Variants in SLC26A5 observed in about 807,000 individuals in gnomAD.
The protein encoded by SLC26A5 is solute carrier family 26 member 5.
In SLC26A5, 51 loss-of-function variants were observed where a neutral mutation model predicts 81.0. The observed-to-expected ratio is 0.63, with a 90% CI of 0.50 to 0.80. The LOEUF is 0.80. SLC26A5 is among the 30% of genes least tolerant of loss of function. SLC26A5 has a pLI of 0.00. For missense variants in SLC26A5, 771 were observed against 905.8 expected (o/e 0.85, Z 1.91); for synonymous variants, 325 against 332.8 (o/e 0.98, Z 0.25).
chr7:103,398,926 AT>A (rs1243496752), intron 8 of SLC26A5, among the ~76,000 whole-genome samples: 3 of 152,002 alleles, frequency 2.0e-5, no homozygotes, highest in African/African-American at 7.3e-5. Flanking sequence ...CCTTAATTGC[AT>A]TTTTTGTGCA....
chr7:103,373,574 T>G (rs951470122), downstream of SLC26A5, among the ~76,000 whole-genome samples: 1 of 152,212 alleles, frequency 6.6e-6, no homozygotes, highest in Non-Finnish European at 1.5e-5. Context: ...TTAAAATAGA[T>G]GTAAGGGACT....
At chr7:103,354,392 G>T (rs1389957377) in intron 19 of SLC26A5, among the ~76,000 whole-genome samples, 1 of 147,082 alleles carries the variant, frequency 6.8e-6, no homozygotes. Flanking sequence ...TTTTGAAACG[G>T]AGTGTTGCTC....
chr7:103,404,253 T>A (rs1279408944), intron 8 of SLC26A5, among the ~76,000 whole-genome samples: 1 of 152,182 alleles, frequency 6.6e-6, no homozygotes, highest in Non-Finnish European at 1.5e-5. Flanking sequence ...ATTTTGCCCA[T>A]TAGTTGATGC....
intron 19 of SLC26A5, among the ~76,000 whole-genome samples, chr7:103,356,145 C>G (rs1820020163): frequency 6.6e-6 from 1 of 151,970 alleles, no homozygotes; most frequent in Non-Finnish European, 1.5e-5. Flanking sequence ...TGCAAAGAAA[C>G]ATATCCTGAT....
intron 7 of SLC26A5, among the ~76,000 whole-genome samples, chr7:103,409,380 A>G (rs1824298616): frequency 6.6e-6 from 1 of 152,258 alleles, no homozygotes; most frequent in Admixed American, 6.5e-5. Context: ...TCTACTGTCA[A>G]TTAATTCTAA....
intron 2 of SLC26A5, among the ~76,000 whole-genome samples, chr7:103,436,134 T>C (rs894715455): frequency 1.3e-5 from 2 of 152,150 alleles, no homozygotes; most frequent in African/African-American, 4.8e-5. Flanking sequence ...AAAATTTCCA[T>C]AGTAGGCACT....
At chr7:103,385,611 A>T (rs1822126133) in intron 14 of SLC26A5, among the ~76,000 whole-genome samples, 1 of 152,168 alleles carries the variant, frequency 6.6e-6, no homozygotes, top group African/African-American at 2.4e-5. Context: ...AAAATCACCA[A>T]CAAAGGATAG....
chr7:103,377,765 G>T lies in SLC26A5; in HGVS notation c.1820C>A (p.Pro607His), dbSNP rs1414809732. 1 of 1,614,012 alleles carries T rather than the reference G, an allele frequency of 6.2e-7. No individual in the cohort carries two copies. The highest frequency in any genetic ancestry group is 8.5e-7 in the Non-Finnish European group (1 of 1,180,020). ...TTTTACTTCACCATCCTCTTCTTCA[G>T]GCTTGGTAGCATCCTCTCCATCTAC... ...AEVDGEDATK[P>H]EEEDGEVKYP... Residue 607 changes from proline to histidine, a missense_variant, in exon 18 of 20, where the codon CCT (proline) becomes CAT (histidine). Physicochemically the swap from Pro to His is moderately conservative, Grantham distance 77. Transcript: ENST00000306312.
At chr7:103,416,246 A>G (rs1824899636) in intron 4 of SLC26A5, among the ~76,000 whole-genome samples, 1 of 151,992 alleles carries the variant, frequency 6.6e-6, no homozygotes, top group Non-Finnish European at 1.5e-5. Flanking sequence ...TTGAAGCTTC[A>G]TGTGTATTGG....
At chr7:103,419,915 T>TAAAATAAAAC (rs1825207092) in intron 4 of SLC26A5, among the ~76,000 whole-genome samples, 1 of 152,176 alleles carries the variant, frequency 6.6e-6, no homozygotes, top group African/African-American at 2.4e-5. Flanking sequence ...AATTTTTATA[T>TAAAATAAAAC]GTGCTTTTTT....
At chr7:103,389,558 T>G (rs773596309) in intron 12 of SLC26A5, 134 bp from the exon 13 acceptor site, 1 of 725,332 alleles carries the variant, frequency 1.4e-6, no homozygotes, top group African/African-American at 1.7e-5. Context: ...GATGGTAGCT[T>G]TGAAGCCATG....
At chr7:103,400,429 G>A (rs557214564) in intron 8 of SLC26A5, among the ~76,000 whole-genome samples, 2 of 152,028 alleles carry the variant, frequency 1.3e-5, no homozygotes, top group Admixed American at 6.6e-5. Flanking sequence ...TTTTTTTCTT[G>A]TAAATTTGTT....
intron 2 of SLC26A5, among the ~76,000 whole-genome samples, chr7:103,425,842 G>A (rs1043925863): frequency 3.9e-5 from 6 of 152,116 alleles, no homozygotes; most frequent in African/African-American, 1.2e-4. Context: ...ACTGATGCCC[G>A]AGTCTATTTC....
At chr7:103,438,300 T>C (rs577988920) in intron 2 of SLC26A5, among the ~76,000 whole-genome samples, 131 of 152,282 alleles carry the variant, frequency 8.6e-4, no homozygotes, top group African/African-American at 3.0e-3. Flanking sequence ...AAACATCACA[T>C]TGTACCCATA....
chr7:103,430,536 T>A (rs2382694), intron 2 of SLC26A5, among the ~76,000 whole-genome samples: 1 of 151,922 alleles, frequency 6.6e-6, no homozygotes, highest in African/African-American at 2.4e-5. Context: ...GGACATCTGG[T>A]GAGTTACTTG....
downstream of SLC26A5, chr7:103,374,062 G>T: frequency 1.9e-6 from 1 of 529,692 alleles, no homozygotes; most frequent in African/African-American, 2.1e-5. Flanking sequence ...AGATCAACAA[G>T]TACAAAAACA....
intron 8 of SLC26A5, among the ~76,000 whole-genome samples, chr7:103,403,882 G>C (rs1180313422): frequency 2.6e-5 from 4 of 152,010 alleles, no homozygotes; most frequent in Non-Finnish European, 4.4e-5. Context: ...TACATTTAAG[G>C]TTAATATTGT....
intron 19 of SLC26A5, among the ~76,000 whole-genome samples, chr7:103,365,535 A>G (rs1392028352): frequency 6.6e-6 from 1 of 152,206 alleles, no homozygotes; most frequent in African/African-American, 2.4e-5. Context: ...AGGCCGAGGC[A>G]TGAGAATCGC....
chr7:103,413,699 T>C (rs1296836068), intron 4 of SLC26A5, among the ~76,000 whole-genome samples: 1 of 152,220 alleles, frequency 6.6e-6, no homozygotes, highest in Non-Finnish European at 1.5e-5. Flanking sequence ...CTTGACATTT[T>C]ACTCCCAAGA....
Sources: gnomAD v4.1 joint callset for allele counts (sites outside exome capture counted in the v4.1 genomes callset) on GRCh38, gnomAD v4.1.1 for gene constraint, MANE v1.5 for transcripts, NCBI Gene and HGNC (gene_info 2026-07-23, HGNC 2026-07-21) for gene names.